ATP6V1E1: variants seen among roughly 807,000 people sequenced by gnomAD.
ATP6V1E1 encodes the protein ATPase H+ transporting V1 subunit E1, also known as V-type proton ATPase subunit E 1.
A neutral mutation model predicts 35.2 loss-of-function variants in ATP6V1E1; 21 were observed. The ratio of observed to expected loss-of-function variants is 0.60; its 90% CI spans 0.42 to 0.86. The LOEUF is 0.86. Ranked by LOEUF, ATP6V1E1 falls within the 40% of genes least tolerant of loss-of-function variation. The pLI, the probability that ATP6V1E1 is intolerant of heterozygous loss-of-function variation, is 0.00. For synonymous variants in ATP6V1E1, 83 were observed against 87.8 expected (o/e 0.95, Z 0.30); for missense variants, 183 against 272.6 (o/e 0.67, Z 2.32).
chr22:17,596,642 C>T (rs922715403), intron 7 of ATP6V1E1, among the ~76,000 whole-genome samples: 3 of 151,996 alleles, frequency 2.0e-5, no homozygotes, highest in East Asian at 1.9e-4. Context: ...ACTAAATGGA[C>T]GACACCACTC....
chr22:17,619,756 A>G (rs1181508521), intron 1 of ATP6V1E1, among the ~76,000 whole-genome samples: 1 of 152,200 alleles, frequency 6.6e-6, no homozygotes, highest in Non-Finnish European at 1.5e-5. Flanking sequence ...TACTGAATGC[A>G]TATTGTGCTA....
intron 7 of ATP6V1E1, among the ~76,000 whole-genome samples, chr22:17,596,132 A>AAAAAAAATAAAT (rs1555956350): frequency 9.2e-5 from 14 of 151,764 alleles, no homozygotes; most frequent in African/African-American, 3.2e-4. Flanking sequence ...TCTGTCTCAA[A>AAAAAAAATAAAT]AAATAAATAA....
Position 17,628,668 on chromosome 22 carries a change from G to C in ATP6V1E1, c.-33C>G. The C allele has an allele frequency of 3.1e-6, 5 of 1,614,002 alleles. No individual in the cohort carries two copies. Among genetic ancestry groups the C allele is most frequent in the Non-Finnish European group, 4.2e-6 (5 of 1,179,922 alleles). On this transcript the variant is annotated 5_prime_UTR_variant, in exon 1 of 9. Coordinates refer to ENST00000253413, the MANE Select transcript of ATP6V1E1 (RefSeq NM_001696.4). ...GCAATGCTAGGCCGGTGAACAGTAG[G>C]CTCGAGTTTAGGTTTGAAAGGTGAG...
rs1007688063 is a variant in ATP6V1E1 at position 17,601,272 on chromosome 22, T to G, written c.277-91A>C. The stretch of plus-strand genomic sequence containing the variant: ...AGGCTGATCCTGGCTCATGCCCAGC[T>G]GCCTCACATTTTATTGCTGGATTTT... On this transcript the variant is annotated intron_variant, in intron 4 of 8. Transcript: ENST00000253413. The G allele has an allele frequency of 8.4e-6, 8 of 954,564 alleles. No individual in the cohort carries two copies. The East Asian group carries it at 2.0e-4, about 24-fold the overall frequency. The allele number at this position is 954,564 out of a possible 1,614,324, so 59.1% of individuals were successfully genotyped here.
At chr22:17,614,985 G>A (rs966560833) in intron 2 of ATP6V1E1, among the ~76,000 whole-genome samples, 2 of 151,652 alleles carry the variant, frequency 1.3e-5, no homozygotes, top group East Asian at 3.9e-4. Context: ...TTCCCTCATG[G>A]GTAAGTGTCG....
Position 17,594,611 on chromosome 22 carries a change from C to G in ATP6V1E1, c.536G>C (p.Gly179Ala). 2 of 1,547,296 alleles carry G rather than the reference C, an allele frequency of 1.3e-6. No homozygotes were observed. The highest frequency in any genetic ancestry group is 1.7e-6 in the Non-Finnish European group (2 of 1,157,404). The change falls in exon 8 of 9, where the codon GGT (glycine) becomes GCT (alanine). Residue 179 changes from glycine to alanine, a missense_variant. Coordinates refer to ENST00000253413, the MANE Select transcript of ATP6V1E1 (RefSeq NM_001696.4). The stretch of plus-strand genomic sequence containing the variant: ...ATCTCCATTATAGATCTCAACTCCA[C>G]CAGCTCTGCAAAAAAAAAAGCACAG... ...QESYLPEDIA[G>A]GVEIYNGDRK... is the part of the protein sequence containing the mutation.
At chr22:17,609,420 A>G (rs2057803318) in intron 4 of ATP6V1E1, among the ~76,000 whole-genome samples, 1 of 149,224 alleles carries the variant, frequency 6.7e-6, no homozygotes, top group African/African-American at 2.5e-5. Context: ...TCATCCTCCC[A>G]AAGTGCTGGG....
intron 1 of ATP6V1E1, among the ~76,000 whole-genome samples, chr22:17,627,354 C>T (rs1247542117): frequency 6.6e-6 from 1 of 151,388 alleles, no homozygotes; most frequent in Non-Finnish European, 1.5e-5. Flanking sequence ...GTCTCGAACT[C>T]CTGACCTCAG....
intron 4 of ATP6V1E1, among the ~76,000 whole-genome samples, chr22:17,608,291 C>T (rs917516444): frequency 2.6e-5 from 4 of 152,162 alleles, no homozygotes; most frequent in African/African-American, 9.7e-5. Flanking sequence ...ATTTTGTTTG[C>T]AACAATTTTA....
chr22:17,598,342 C>T (rs2057743689), intron 6 of ATP6V1E1, 54 bp from the exon 7 acceptor site: 4 of 1,401,418 alleles, frequency 2.9e-6, no homozygotes, highest in Non-Finnish European at 3.0e-6. Context: ...AAGCAAGTAT[C>T]CAAAAACTCA....
intron 7 of ATP6V1E1, chr22:17,597,963 C>T: frequency 2.0e-6 from 1 of 496,708 alleles, no homozygotes; most frequent in South Asian, 2.4e-5. Context: ...AGGCGTGAGC[C>T]ACCGCACCTG....
rs1454931929 is a variant in ATP6V1E1, at chr22:17,628,475, T to A, written c.33+128A>T. On this transcript the variant is annotated intron_variant, in intron 1 of 8. Coordinates refer to ENST00000253413, the MANE Select transcript of ATP6V1E1 (RefSeq NM_001696.4). ...CCTCAGGCCGACCTCTTGGATCTGG[T>A]GACTTGGAGCAAGGGACCTTCCTGC... is the stretch of plus-strand genomic sequence containing the variant. 6 of 1,313,562 alleles carry A rather than the reference T, an allele frequency of 4.6e-6. No homozygotes were observed. The African/African-American group carries it at 8.7e-5, about 19-fold the overall frequency. 81.4% of individuals were successfully genotyped at this position (1,313,562 alleles called of 1,614,324 possible). A position where few individuals can be genotyped will look rare whatever the true frequency, so the allele number is the denominator to read the frequency against.
In ATP6V1E1 at chr22:17,612,765, G is replaced by T. The variant is rs201103268; in HGVS notation, c.276+47C>A. 6.0e-5 allele frequency: 84 copies of T among 1,408,338 alleles called. No individual in the cohort carries two copies. In the East Asian group the frequency reaches 1.9e-3, roughly 32 times the overall value. The allele number at this position is 1,408,338 out of a possible 1,614,324, so 87.2% of individuals were successfully genotyped here. A position where few individuals can be genotyped will look rare whatever the true frequency, so the allele number is the denominator to read the frequency against. ...AACTAGTAATTTACAACAGGGAAATGAATAAACATGTAATAATTTTATAAC... is the reference window on the plus strand; with the variant it reads ...AACTAGTAATTTACAACAGGGAAATTAATAAACATGTAATAATTTTATAAC... On this transcript the variant is annotated intron_variant, in intron 4 of 8. Coordinates refer to ENST00000253413, the MANE Select transcript of ATP6V1E1 (RefSeq NM_001696.4).
intron 4 of ATP6V1E1, among the ~76,000 whole-genome samples, chr22:17,604,584 A>T (rs2057776184): frequency 6.7e-6 from 1 of 148,164 alleles, no homozygotes; most frequent in Non-Finnish European, 1.5e-5. Flanking sequence ...CAGTGGTACG[A>T]TCTCGGCTCA....
intron 1 of ATP6V1E1, among the ~76,000 whole-genome samples, chr22:17,624,612 G>C (rs2057894401): frequency 6.7e-6 from 1 of 150,082 alleles, no homozygotes; most frequent in African/African-American, 2.5e-5. Context: ...CCACTTCGGA[G>C]GTTCAAGACC....
chr22:17,607,557 T>C (rs1171781018), intron 4 of ATP6V1E1, among the ~76,000 whole-genome samples: 1 of 151,988 alleles, frequency 6.6e-6, no homozygotes, highest in African/African-American at 2.4e-5. Flanking sequence ...GATTCCTACC[T>C]TTTTAGGATC....
chr22:17,611,384 C>T (rs2057814755), intron 4 of ATP6V1E1, among the ~76,000 whole-genome samples: 1 of 152,264 alleles, frequency 6.6e-6, no homozygotes. Context: ...TTCCCACATT[C>T]CTGGAGTTTC....
intron 4 of ATP6V1E1, among the ~76,000 whole-genome samples, chr22:17,608,180 G>A (rs36060604): frequency 0.074 from 11,226 of 152,242 alleles, 645 homozygotes; most frequent in Non-Finnish European, 0.11. Context: ...TAAATGTACT[G>A]TTAAATTCAA....
At chr22:17,606,050 G>A (rs1277114587) in intron 4 of ATP6V1E1, among the ~76,000 whole-genome samples, 1 of 152,028 alleles carries the variant, frequency 6.6e-6, no homozygotes, top group African/African-American at 2.4e-5. Context: ...TGGTAAAAAC[G>A]GAACTTAAAC....
Sources: allele counts gnomAD v4.1 joint callset (sites outside exome capture counted in the v4.1 genomes callset), GRCh38; gene constraint gnomAD v4.1.1; transcripts MANE v1.5; gene names NCBI Gene and HGNC (gene_info 2026-07-23, HGNC 2026-07-21).